The following SLC1A3 variants were observed in gnomAD, a reference collection of about 807,000 sequenced individuals.
SLC1A3 encodes solute carrier family 1 member 3, also known as excitatory amino acid transporter 1.
SLC1A3 carries 21 observed loss-of-function variants against 48.1 expected under a neutral mutation model. That is an observed-to-expected ratio of 0.44 (90% confidence interval 0.31 to 0.63). The LOEUF (loss-of-function observed/expected upper bound fraction) is 0.63. Ranked by LOEUF, SLC1A3 falls within the 20% of genes least tolerant of loss-of-function variation. The pLI is 0.08. For synonymous variants in SLC1A3, 239 were observed against 251.4 expected (o/e 0.95, Z 0.47); for missense variants, 546 against 689.0 (o/e 0.79, Z 2.32).
At chr5:36,658,115 G>A (rs1324506561) in intron 3 of SLC1A3, among the ~76,000 whole-genome samples, 1 of 152,114 alleles carries the variant, frequency 6.6e-6, no homozygotes, top group Non-Finnish European at 1.5e-5. Flanking sequence ...AGTCAGACAG[G>A]TACACGCATG....
chr5:36,642,319 T>C lies in SLC1A3; in HGVS notation c.319+12732T>C, dbSNP rs547210519. Among the ~76,000 whole-genome samples, 4 of 152,314 alleles carry C rather than the reference T, an allele frequency of 2.6e-5. No individual in the cohort carries two copies. In the East Asian group the frequency reaches 7.7e-4, roughly 29 times the overall value. ...TGTACACCACATAAGCACGTTTTCC[T>C]TATGTGAAGGATGCATTTCTAGCAA... On this transcript the variant is annotated intron_variant, in intron 3 of 9. Transcript: ENST00000265113.
chr5:36,599,527 T>TTTTTGGG (rs397997372), intron 1 of SLC1A3, among the ~76,000 whole-genome samples: 2 of 145,516 alleles, frequency 1.4e-5, no homozygotes, highest in African/African-American at 2.6e-5. Flanking sequence ...TTTTTTTTTT[T>TTTTTGGG]GAGACGGAGT....
chr5:36,618,684 C>T (rs1170141651), intron 2 of SLC1A3, among the ~76,000 whole-genome samples: 1 of 146,304 alleles, frequency 6.8e-6, no homozygotes, highest in African/African-American at 2.7e-5. Flanking sequence ...GAAATGGGAA[C>T]ACCTTTGCTG....
At chr5:36,654,064 G>A (rs1315885285) in intron 3 of SLC1A3, among the ~76,000 whole-genome samples, 1 of 152,120 alleles carries the variant, frequency 6.6e-6, no homozygotes, top group Non-Finnish European at 1.5e-5. Flanking sequence ...GGCTGGTCTC[G>A]AACTCCTGAC....
At chr5:36,642,231 T>C (rs1429660950) in intron 3 of SLC1A3, among the ~76,000 whole-genome samples, 1 of 152,244 alleles carries the variant, frequency 6.6e-6, no homozygotes, top group East Asian at 1.9e-4. Context: ...AACTTCCCGC[T>C]AAATAAACAT....
intron 3 of SLC1A3, chr5:36,630,457 G>C (rs755310469): frequency 6.6e-6 from 1 of 152,194 alleles, no homozygotes; most frequent in African/African-American, 2.4e-5. Context: ...GACACTGCCC[G>C]AGCAGGATGA....
At chr5:36,677,961 T>G (rs1429779336) in intron 6 of SLC1A3, among the ~76,000 whole-genome samples, 3 of 152,148 alleles carry the variant, frequency 2.0e-5, no homozygotes, top group Admixed American at 6.5e-5. Context: ...TATAACAAAA[T>G]TTGCTTTAAT....
At position 36,608,355 on chromosome 5, in the gene SLC1A3, G is replaced by T. The variant is rs1739044990; in HGVS notation, c.-69G>T. 3 of 1,444,152 alleles carry T rather than the reference G, an allele frequency of 2.1e-6. No individual in the cohort carries two copies. Among genetic ancestry groups the T allele is most frequent in the African/African-American group, 1.4e-5 (1 of 71,178 alleles). 89.5% of individuals were successfully genotyped at this position (1,444,152 alleles called of 1,614,324 possible). ...TGTGTTTTCTAATACCAAAGAGGAG[G>T]TTTGGCTTTCTGTGGGTGATTCCCA... On this transcript the variant is annotated 5_prime_UTR_variant, in exon 2 of 10. Transcript: ENST00000265113.
rs377234980 is a variant in SLC1A3, at chr5:36,622,895, C to G, written c.182-6555C>G. ...GGTGTGGTGGCAGGCGCATGTAGTCCCAGCTACTCGGGAGGCTGAGGCAGG... is the reference window on the plus strand; with the variant it reads ...GGTGTGGTGGCAGGCGCATGTAGTCGCAGCTACTCGGGAGGCTGAGGCAGG... On this transcript the variant is annotated intron_variant, in intron 2 of 9. Coordinates refer to ENST00000265113, the MANE Select transcript of SLC1A3 (RefSeq NM_004172.5). 8.4e-4 allele frequency among the ~76,000 whole-genome samples: 127 copies of G among 151,738 alleles called. 1 individual carries two copies. Among genetic ancestry groups the G allele is most frequent in the African/African-American group, 2.9e-3 (119 of 41,358 alleles).
chr5:36,613,971 C>A (rs1561239606), intron 2 of SLC1A3, among the ~76,000 whole-genome samples: 1 of 152,216 alleles, frequency 6.6e-6, no homozygotes, highest in Non-Finnish European at 1.5e-5. Context: ...CTCCCACCTT[C>A]TCCAAAAGCA....
intron 3 of SLC1A3, chr5:36,630,044 G>A: frequency 4.5e-6 from 1 of 224,430 alleles, no homozygotes; most frequent in Non-Finnish European, 8.9e-6. Flanking sequence ...CTCATCAAGA[G>A]GTAATGCCCA....
chr5:36,642,852 A>G (rs1158700821), intron 3 of SLC1A3, among the ~76,000 whole-genome samples: 1 of 152,210 alleles, frequency 6.6e-6, no homozygotes, highest in African/African-American at 2.4e-5. Context: ...ACTCAGCACA[A>G]TGTTTTCAAG....
intron 3 of SLC1A3, 161 bp from the exon 4 acceptor site, chr5:36,670,868 C>T: frequency 1.4e-6 from 1 of 690,986 alleles, no homozygotes; most frequent in Non-Finnish European, 2.6e-6. Context: ...CTTTTCCCTT[C>T]ACCTTGTGAG....
At chr5:36,607,860 A>G (rs10078147) in intron 1 of SLC1A3, among the ~76,000 whole-genome samples, 38,687 of 152,172 alleles carry the variant, frequency 0.25, 6,996 homozygotes, top group African/African-American at 0.51. Context: ...TAACAGAGAC[A>G]ACTCCCACCT....
rs953522968 is a variant in SLC1A3 at position 36,686,704 on chromosome 5, C to T, written c.*435C>T. 3.8e-5 allele frequency: 10 copies of T among 263,360 alleles called. 1 individual carries two copies. Among genetic ancestry groups the T allele is most frequent in the South Asian group, 1.6e-4 (4 of 25,442 alleles). The allele number at this position is 263,360 out of a possible 1,614,324, so 16.3% of individuals were successfully genotyped here. A position where few individuals can be genotyped will look rare whatever the true frequency, so the allele number is the denominator to read the frequency against. Reference sequence around the variant, plus strand: ...AAATGTTAACAACTTGAATTACAACCGGTTATCAGTTGGACAGTAAGATTT... The same window carrying T: ...AAATGTTAACAACTTGAATTACAACTGGTTATCAGTTGGACAGTAAGATTT... On this transcript the variant is annotated 3_prime_UTR_variant, in exon 10 of 10. Transcript: ENST00000265113.
chr5:36,684,413 T>C (rs1279825318), intron 9 of SLC1A3, among the ~76,000 whole-genome samples: 1 of 152,224 alleles, frequency 6.6e-6, no homozygotes, highest in Non-Finnish European at 1.5e-5. Context: ...GGGAATGATT[T>C]TCCCATCCTA....
In SLC1A3 at chr5:36,658,227, G is replaced by A. The variant is rs148112948; in HGVS notation, c.320-12802G>A. On this transcript the variant is annotated intron_variant, in intron 3 of 9. Transcript: ENST00000265113. ...TCAGATTTCCACAGGAAATGAGGAC[G>A]AGAGCAGAAGAAGCCTTAAGAGCAA... Among the ~76,000 whole-genome samples, 918 of 152,264 alleles carry A rather than the reference G, an allele frequency of 6.0e-3. 6 individuals are homozygous for A. The highest frequency in any genetic ancestry group is 0.019 in the African/African-American group (803 of 41,546).
chr5:36,612,986 G>A (rs1425484719), intron 2 of SLC1A3: 3 of 383,080 alleles, frequency 7.8e-6, no homozygotes, highest in Non-Finnish European at 1.6e-5. Context: ...AATGAGAGAA[G>A]GTGGACTGCA....
Position 36,679,860 on chromosome 5 carries a change from G to GGTAT in SLC1A3, c.1094+11_1094+14dup, listed in dbSNP as rs977882537. ...ATCACCGCTCTGGGGACCTCTTCAA[G>GGTAT]GTATGTATGTATGTGTGGAAAATGA... On this transcript the variant is annotated frameshift_variant and splice_region_variant. Coordinates refer to ENST00000265113, the MANE Select transcript of SLC1A3 (RefSeq NM_004172.5). LOFTEE classifies it high-confidence loss of function. 2 of 1,604,142 alleles carry GGTAT rather than the reference G, an allele frequency of 1.2e-6. No individual in the cohort carries two copies. Among genetic ancestry groups the GGTAT allele is most frequent in the East Asian group, 2.2e-5 (1 of 44,854 alleles).
Sources: allele counts gnomAD v4.1 joint callset (sites outside exome capture counted in the v4.1 genomes callset), GRCh38; gene constraint gnomAD v4.1.1; transcripts MANE v1.5; gene names NCBI Gene and HGNC (gene_info 2026-07-23, HGNC 2026-07-21).